CHI3L2: variants seen among roughly 807,000 people sequenced by gnomAD.
CHI3L2 encodes the protein chitinase-3-like protein 2.
CHI3L2 carries 47 observed loss-of-function variants against 47.3 expected under a neutral mutation model. The ratio of observed to expected loss-of-function variants is 0.99; its 90% CI spans 0.79 to 1.27. The LOEUF is 1.27. Among genes scored for constraint, CHI3L2 ranks in the 50% most tolerant of loss-of-function variants. The probability of loss-of-function intolerance (pLI) is 0.00; values close to 1 mark genes in which losing one functional copy is unlikely to be tolerated. For synonymous variants in CHI3L2, 198 were observed against 169.9 expected (o/e 1.17, Z -1.28); for missense variants, 497 against 462.1 (o/e 1.08, Z -0.69).
chr1:111,229,750 T>C, intron 1 of CHI3L2, 102 bp from the exon 2 acceptor site: 11 of 1,522,734 alleles, frequency 7.2e-6, no homozygotes, highest in Non-Finnish European at 9.8e-6. Flanking sequence ...GAAGTGTGGC[T>C]CTATCTTGTA....
intron 7 of CHI3L2, among the ~76,000 whole-genome samples, chr1:111,238,513 T>TGTG (rs1659948777): frequency 6.6e-6 from 1 of 152,258 alleles, no homozygotes; most frequent in Non-Finnish European, 1.5e-5. Context: ...TGATTTCTTT[T>TGTG]GTGATCCACT....
chr1:111,239,365 T>C (rs967341473), intron 8 of CHI3L2: 2 of 159,266 alleles, frequency 1.3e-5, no homozygotes, highest in African/African-American at 4.8e-5. Context: ...AGATAACAGG[T>C]GAGTCATTGA....
intron 7 of CHI3L2, among the ~76,000 whole-genome samples, chr1:111,237,489 A>T (rs1293380625): frequency 6.6e-6 from 1 of 152,204 alleles, no homozygotes; most frequent in Non-Finnish European, 1.5e-5. Flanking sequence ...AGGCCTTCAT[A>T]TTCAAAGTCA....
At chr1:111,229,307 T>C (rs1446204651) in intron 1 of CHI3L2, among the ~76,000 whole-genome samples, 1 of 152,036 alleles carries the variant, frequency 6.6e-6, no homozygotes, top group Non-Finnish European at 1.5e-5. Flanking sequence ...AATGAAAAAA[T>C]AAATTCCCAG....
chr1:111,231,243 C>T lies in CHI3L2; in HGVS notation c.278C>T (p.Pro93Leu). ...QTINSLKTKNPKLKILLSIGG... is the reference protein window; with the variant it reads ...QTINSLKTKNLKLKILLSIGG... ...ATCTTATTCTTCTACTTCAGGAATC[C>T]CAAACTGAAAATTCTCTTGTCCATT... The change falls in exon 4 of 11, where the codon CCC (proline) becomes CTC (leucine). Residue 93 changes from proline to leucine, a missense_variant. Physicochemically the swap from Pro to Leu is moderately conservative, Grantham distance 98. Coordinates refer to ENST00000369748, the MANE Select transcript of CHI3L2 (RefSeq NM_004000.3). 6.2e-7 allele frequency: 1 copy of T among 1,610,386 alleles called. No homozygotes were observed. Among genetic ancestry groups the T allele is most frequent in the Non-Finnish European group, 8.5e-7 (1 of 1,176,740 alleles).
intron 1 of CHI3L2, among the ~76,000 whole-genome samples, chr1:111,228,652 C>G (rs1659600143): frequency 6.6e-6 from 1 of 152,244 alleles, no homozygotes; most frequent in African/African-American, 2.4e-5. Context: ...CAAGAGAGAA[C>G]AGTAGAGCCC....
At chr1:111,241,304 C>T (rs766000786) in intron 8 of CHI3L2, 23 bp from the exon 9 acceptor site, 2 of 1,319,664 alleles carry the variant, frequency 1.5e-6, no homozygotes, top group Non-Finnish European at 2.2e-6. Context: ...TACTGACCCT[C>T]TCGTTTCCCT....
chr1:111,238,006 C>A (rs1659933267), intron 7 of CHI3L2, among the ~76,000 whole-genome samples: 1 of 152,198 alleles, frequency 6.6e-6, no homozygotes, highest in Non-Finnish European at 1.5e-5. Flanking sequence ...CCCAGACATT[C>A]CTTTCTATTG....
At chr1:111,242,889 T>G (rs1007833868) in intron 10 of CHI3L2, among the ~76,000 whole-genome samples, 1 of 152,188 alleles carries the variant, frequency 6.6e-6, no homozygotes, top group Non-Finnish European at 1.5e-5. Context: ...TCGGTGGCTT[T>G]GCTGCTGCTC....
chr1:111,232,349 GCATT>G (rs35575573), intron 4 of CHI3L2, among the ~76,000 whole-genome samples: 103 of 151,686 alleles, frequency 6.8e-4, no homozygotes, highest in African/African-American at 9.7e-4. Flanking sequence ...ATTCATTCTT[GCATT>G]CATTCATTCA....
chr1:111,231,272 G>T lies in CHI3L2; in HGVS notation c.307G>T (p.Gly103Trp). 6.2e-7 allele frequency: 1 copy of T among 1,611,584 alleles called. No individual in the cohort carries two copies. Among genetic ancestry groups the T allele is most frequent in the Non-Finnish European group, 8.5e-7 (1 of 1,177,936 alleles). ...ACTGAAAATTCTCTTGTCCATTGGA[G>T]GGTACCTGTTTGGTTCCAAAGGGTA... ...PKLKILLSIG[G>W]YLFGSKGFHP... The change falls in exon 4 of 11, where the codon GGG (glycine) becomes TGG (tryptophan). Residue 103 changes from glycine (G) to tryptophan (W), a missense_variant. By Grantham distance (184) the Gly-to-Trp change is radical. Transcript: ENST00000369748.
At position 111,243,284 on chromosome 1, in the gene CHI3L2, C is replaced by T; in HGVS notation, c.*70C>T. The T allele has an allele frequency of 2.2e-6, 1 of 455,926 alleles. No individual in the cohort carries two copies. The highest frequency in any genetic ancestry group is 4.4e-6 in the Non-Finnish European group (1 of 226,750). 28.2% of individuals were successfully genotyped at this position (455,926 alleles called of 1,614,324 possible). ...GGGCCTGCTCTCTCCCAGGAATTCT[C>T]ATGTGGGATTCCCCTTGCCAGGCTG... On this transcript the variant is annotated 3_prime_UTR_variant, in exon 11 of 11. Transcript: ENST00000369748.
intron 7 of CHI3L2, 49 bp downstream of exon 7, chr1:111,236,202 T>G (rs2251608): frequency 3.7e-6 from 6 of 1,600,442 alleles, no homozygotes; most frequent in Non-Finnish European, 4.3e-6. Context: ...GGGGTGGGGC[T>G]GGGGAGAGTC....
intron 9 of CHI3L2, among the ~76,000 whole-genome samples, 197 bp from the exon 10 acceptor site, chr1:111,242,030 G>C (rs556353757): frequency 9.2e-5 from 14 of 152,296 alleles, no homozygotes; most frequent in African/African-American, 3.4e-4. Flanking sequence ...ACTCAAGTCA[G>C]AATGAGATGT....
intron 9 of CHI3L2, among the ~76,000 whole-genome samples, 198 bp from the exon 10 acceptor site, chr1:111,242,029 A>G (rs1485780162): frequency 6.6e-6 from 1 of 152,230 alleles, no homozygotes; most frequent in Non-Finnish European, 1.5e-5. Flanking sequence ...GACTCAAGTC[A>G]GAATGAGATG....
At chr1:111,240,506 A>G (rs1266925576) in intron 8 of CHI3L2, among the ~76,000 whole-genome samples, 1 of 152,118 alleles carries the variant, frequency 6.6e-6, no homozygotes, top group Non-Finnish European at 1.5e-5. Flanking sequence ...TATAATATCA[A>G]CCACTAGATA....
rs762035542 is a variant in CHI3L2 at position 111,235,057 on chromosome 1, T to A, written c.480T>A (p.His160Gln). ...KENTHFTVLI[H>Q]ELAEAFQKDF... ...ACACTCATTTCACTGTGCTGATTCA[T>A]GTAAGTCATGAATCAAGTAATTCAT... The change falls in exon 5 of 11, where the codon CAT becomes CAA. Residue 160 changes from histidine to glutamine, a missense_variant and splice_region_variant. Physicochemically the swap from His to Gln is conservative, Grantham distance 24. Transcript: ENST00000369748. 11 of 1,613,552 alleles carry A rather than the reference T, an allele frequency of 6.8e-6. No individual in the cohort carries two copies. In the South Asian group the frequency reaches 1.2e-4, roughly 18 times the overall value.
chr1:111,230,268 T>G (rs1659676843), intron 2 of CHI3L2, among the ~76,000 whole-genome samples: 1 of 152,136 alleles, frequency 6.6e-6, no homozygotes, highest in South Asian at 2.1e-4. Context: ...TTTTAAATTT[T>G]TTTGAGACAG....
intron 1 of CHI3L2, 87 bp from the exon 2 acceptor site, chr1:111,229,765 A>G: frequency 6.4e-7 from 1 of 1,566,448 alleles, no homozygotes; most frequent in African/African-American, 1.4e-5. Context: ...CTTGTATGTG[A>G]GCACACCCAC....
Sources: allele counts gnomAD v4.1 joint callset (sites outside exome capture counted in the v4.1 genomes callset), GRCh38; gene constraint gnomAD v4.1.1; transcripts MANE v1.5; gene names NCBI Gene and HGNC (gene_info 2026-07-23, HGNC 2026-07-21).